The following LRIG3 variants were observed in gnomAD, a reference collection of about 807,000 sequenced individuals.
The protein encoded by LRIG3 is leucine-rich repeats and immunoglobulin-like domains protein 3.
Under a neutral mutation model 114.5 loss-of-function variants are expected in LRIG3, and 76 were observed. That is an observed-to-expected ratio of 0.66 (90% CI 0.55 to 0.80). LRIG3 has a LOEUF of 0.80. Among genes scored for constraint, LRIG3 ranks in the 30% least tolerant of loss-of-function variants. The pLI is 0.00. For synonymous variants in LRIG3, 512 were observed against 519.8 expected (o/e 0.98, Z 0.20); for missense variants, 1,239 against 1,382.8 (o/e 0.90, Z 1.65).
chr12:58,879,257 A>T (rs1275987416), intron 13 of LRIG3, 152 bp from the exon 14 acceptor site: 1 of 891,448 alleles, frequency 1.1e-6, no homozygotes, highest in Non-Finnish European at 1.7e-6. Context: ...AGTCAAGGAA[A>T]CTAAAGTTGA....
intron 13 of LRIG3, among the ~76,000 whole-genome samples, chr12:58,879,460 T>C (rs553289956): frequency 2.5e-4 from 38 of 152,320 alleles, no homozygotes; most frequent in African/African-American, 8.9e-4. Context: ...ACTCACTTCA[T>C]CTATTTTTTT....
chr12:58,920,236 C>A lies in LRIG3; in HGVS notation c.-1G>T. 7.2e-7 allele frequency: 1 copy of A among 1,379,376 alleles called. No homozygotes were observed. The highest frequency in any genetic ancestry group is 9.3e-7 in the Non-Finnish European group (1 of 1,076,870). 85.4% of individuals were successfully genotyped at this position (1,379,376 alleles called of 1,614,324 possible). A position where few individuals can be genotyped will look rare whatever the true frequency, so the allele number is the denominator to read the frequency against. On this transcript the variant is annotated 5_prime_UTR_variant, in exon 1 of 19. Transcript: ENST00000320743. ...GCGCACGGAGGCTCGGCGCGCTCAT[C>A]GCGGTCCAGCGGCCTAGGTCTCTAC...
At chr12:58,918,233 A>G (rs1872548167) in intron 1 of LRIG3, among the ~76,000 whole-genome samples, 1 of 152,238 alleles carries the variant, frequency 6.6e-6, no homozygotes, top group African/African-American at 2.4e-5. Flanking sequence ...GCTGGTGGAA[A>G]TGTAATTAAA....
At chr12:58,902,406 G>C (rs552043571) in intron 3 of LRIG3, among the ~76,000 whole-genome samples, 51 of 152,206 alleles carry the variant, frequency 3.4e-4, no homozygotes, top group Non-Finnish European at 5.9e-4. Context: ...TATGGTACCT[G>C]CAGCATGAAT....
At chr12:58,903,301 T>G (rs1871935923) in intron 3 of LRIG3, among the ~76,000 whole-genome samples, 1 of 152,216 alleles carries the variant, frequency 6.6e-6, no homozygotes, top group African/African-American at 2.4e-5. Context: ...TGGTTTTGAT[T>G]TGCATTTCTC....
chr12:58,876,376 TATC>T, intron 16 of LRIG3, 66 bp downstream of exon 16: 1 of 1,514,650 alleles, frequency 6.6e-7, no homozygotes, highest in South Asian at 1.3e-5. Flanking sequence ...TGAAAATGAA[TATC>T]ATATCTGAGC....
intron 3 of LRIG3, among the ~76,000 whole-genome samples, chr12:58,908,118 C>A (rs2120969752): frequency 6.6e-6 from 1 of 152,308 alleles, no homozygotes; most frequent in South Asian, 2.1e-4. Context: ...CAAAGCATCT[C>A]CAATACAGAA....
Position 58,881,109 on chromosome 12 carries a change from A to T in LRIG3, c.1481-208T>A, listed in dbSNP as rs116556734. Among the ~76,000 whole-genome samples, 912 of 152,364 alleles carry T rather than the reference A, an allele frequency of 6.0e-3. 8 individuals carry two copies. The highest frequency in any genetic ancestry group is 0.021 in the African/African-American group (867 of 41,590). ...ACTCATTCATCTCGAATACAGATGC[A>T]GATCTATTTATCAATCACTATTACC... On this transcript the variant is annotated intron_variant, in intron 12 of 18. Coordinates refer to ENST00000320743, the MANE Select transcript of LRIG3 (RefSeq NM_153377.5).
At chr12:58,912,954 A>T (rs1592312079) in intron 3 of LRIG3, among the ~76,000 whole-genome samples, 1 of 152,260 alleles carries the variant, frequency 6.6e-6, no homozygotes, top group African/African-American at 2.4e-5. Flanking sequence ...TGGAAAAACC[A>T]CATCAGTATC....
rs1303546879 is a variant in LRIG3 at position 58,886,845 on chromosome 12, A to G, written c.1137T>C (p.Asn379=). The G allele has an allele frequency of 2.5e-6, 4 of 1,613,730 alleles. No individual in the cohort carries two copies. The East Asian group carries it at 8.9e-5, about 36-fold the overall frequency. Residue 379 remains asparagine (N), a synonymous_variant, in exon 9 of 19, where the codon AAT becomes AAC. Transcript: ENST00000320743. ...GTTTGTCAAGCCCAGAGAAAGCACC[A>G]TTCATGTCTTCAATAGTCCAGGAAA... ...NEISWTIEDM[N]GAFSGLDKLR...
chr12:58,886,852 T>C lies in LRIG3; in HGVS notation c.1130A>G (p.Asp377Gly). Residue 377 changes from aspartate to glycine, a missense_variant, in exon 9 of 19, where the codon GAC (aspartate) becomes GGC (glycine). Transcript: ENST00000320743. ...KNNEISWTIE[D>G]MNGAFSGLDK... Reference sequence around the variant, plus strand: ...AAGCCCAGAGAAAGCACCATTCATGTCTTCAATAGTCCAGGAAATTTCATT... The same window carrying C: ...AAGCCCAGAGAAAGCACCATTCATGCCTTCAATAGTCCAGGAAATTTCATT... The C allele has an allele frequency of 5.0e-6, 8 of 1,613,688 alleles. No individual in the cohort carries two copies. Among genetic ancestry groups the C allele is most frequent in the Non-Finnish European group, 6.8e-6 (8 of 1,179,680 alleles).
chr12:58,913,645 T>C (rs768986745), intron 3 of LRIG3: 8 of 195,126 alleles, frequency 4.1e-5, no homozygotes, highest in Non-Finnish European at 6.2e-5. Context: ...CAGATCCCCA[T>C]GCCAACCATT....
intron 5 of LRIG3, 142 bp from the exon 6 acceptor site, chr12:58,889,104 C>A (rs1871369137): frequency 1.3e-6 from 1 of 782,338 alleles, no homozygotes. Context: ...ATTTTTATTG[C>A]AAAGAATTTC....
Position 58,888,576 on chromosome 12 carries a change from G to C in LRIG3, c.804-104C>G, listed in dbSNP as rs1206788693. 4 of 1,443,528 alleles carry C rather than the reference G, an allele frequency of 2.8e-6. No homozygotes were observed. In the Admixed American group the frequency reaches 6.8e-5, roughly 25 times the overall value. 89.4% of individuals were successfully genotyped at this position (1,443,528 alleles called of 1,614,324 possible). A position where few individuals can be genotyped will look rare whatever the true frequency, so the allele number is the denominator to read the frequency against. On this transcript the variant is annotated intron_variant, in intron 6 of 18. Coordinates refer to ENST00000320743, the MANE Select transcript of LRIG3 (RefSeq NM_153377.5). The stretch of plus-strand genomic sequence containing the variant: ...CTATTACAGATTCCTATTGTTATTA[G>C]ATGTTTAGCTTTTGTTATATGAAGA...
intron 3 of LRIG3, among the ~76,000 whole-genome samples, chr12:58,906,951 TAAA>T (rs77233148): frequency 8.3e-5 from 11 of 132,760 alleles, no homozygotes; most frequent in South Asian, 2.4e-4. Context: ...TTCCCCTGCT[TAAA>T]AAAAAAAAAA....
At chr12:58,908,527 G>A (rs1565623151) in intron 3 of LRIG3, among the ~76,000 whole-genome samples, 1 of 152,060 alleles carries the variant, frequency 6.6e-6, no homozygotes, top group Non-Finnish European at 1.5e-5. Flanking sequence ...CATACTCCAG[G>A]GCATACACTC....
At chr12:58,883,163 C>A (rs1871172798) in intron 11 of LRIG3, 131 bp from the exon 12 acceptor site, 1 of 820,170 alleles carries the variant, frequency 1.2e-6, no homozygotes. Context: ...GAATAAGTAT[C>A]CCACAGTCCA....
intron 10 of LRIG3, among the ~76,000 whole-genome samples, chr12:58,884,446 G>A (rs529634065): frequency 6.6e-6 from 1 of 152,290 alleles, no homozygotes; most frequent in South Asian, 2.1e-4. Context: ...AGAGGCTGGG[G>A]CAATCAAGGA....
At chr12:58,918,274 T>C (rs1235183100) in intron 1 of LRIG3, among the ~76,000 whole-genome samples, 1 of 152,230 alleles carries the variant, frequency 6.6e-6, no homozygotes, top group East Asian at 1.9e-4. Flanking sequence ...CTCTAATTTG[T>C]TTTTAGTGTG....
Sources: gnomAD v4.1 joint callset for allele counts (sites outside exome capture counted in the v4.1 genomes callset) on GRCh38, gnomAD v4.1.1 for gene constraint, MANE v1.5 for transcripts, NCBI Gene and HGNC (gene_info 2026-07-23, HGNC 2026-07-21) for gene names.